EZH2: variants seen among roughly 807,000 people sequenced by gnomAD.
EZH2 encodes enhancer of zeste 2 polycomb repressive complex 2 subunit, also known as histone-lysine N-methyltransferase EZH2.
A neutral mutation model predicts 98.4 loss-of-function variants in EZH2; 18 were observed. The observed-to-expected ratio is 0.18, with a 90% CI of 0.13 to 0.27. The LOEUF is 0.27. Among genes scored for constraint, EZH2 ranks in the 10% least tolerant of loss-of-function variants. The pLI is 1.00. For synonymous variants in EZH2, 338 were observed against 312.3 expected, an observed-to-expected ratio of 1.08 and a Z score of -0.87; for missense variants, 470 against 935.1, an observed-to-expected ratio of 0.50 and a Z score of 6.49.
At chr7:148,853,444 G>A (rs1816226712) in intron 1 of EZH2, among the ~76,000 whole-genome samples, 1 of 152,012 alleles carries the variant, frequency 6.6e-6, no homozygotes, top group Non-Finnish European at 1.5e-5. Flanking sequence ...TTTAAGGAGT[G>A]TGCAACCTAG....
intron 1 of EZH2, among the ~76,000 whole-genome samples, chr7:148,868,183 T>C (rs1818823112): frequency 6.6e-6 from 1 of 152,250 alleles, no homozygotes; most frequent in Admixed American, 6.5e-5. Context: ...GTATCTTTAT[T>C]GTGATGCCCC....
intron 17 of EZH2, among the ~76,000 whole-genome samples, chr7:148,809,732 T>C (rs1263960657): frequency 6.6e-6 from 1 of 152,108 alleles, no homozygotes; most frequent in African/African-American, 2.4e-5. Flanking sequence ...TTAAAATTAG[T>C]TTTTTTCATT....
chr7:148,844,485 G>A (rs1167840740), intron 3 of EZH2, among the ~76,000 whole-genome samples: 3 of 152,138 alleles, frequency 2.0e-5, no homozygotes, highest in African/African-American at 7.2e-5. Flanking sequence ...CAAAAAAAAT[G>A]ACTGACCTTA....
intron 15 of EZH2, 130 bp from the exon 16 acceptor site, chr7:148,811,850 T>C (rs554615760): frequency 9.9e-6 from 7 of 706,462 alleles, no homozygotes; most frequent in Admixed American, 2.5e-5. Context: ...AAGGCAGTAA[T>C]TGGGCACACA....
chr7:148,821,117 A>G (rs1311188079), intron 8 of EZH2: 1 of 149,910 alleles, frequency 6.7e-6, no homozygotes, highest in Non-Finnish European at 1.5e-5. Context: ...TAAATAAAGT[A>G]GGTAGAAAAG....
chr7:148,829,668 A>G, intron 5 of EZH2, 60 bp downstream of exon 5: 1 of 1,578,710 alleles, frequency 6.3e-7, no homozygotes, highest in Non-Finnish European at 8.6e-7. Flanking sequence ...ATGCTTCATA[A>G]ACAAAAGTGT....
intron 15 of EZH2, 49 bp downstream of exon 15, chr7:148,813,910 A>T: frequency 2.6e-6 from 4 of 1,564,662 alleles, no homozygotes; most frequent in Middle Eastern, 1.7e-4. Context: ...CATTTGCATC[A>T]CTAAATAGCT....
rs765682611 is a variant in EZH2 at position 148,815,046 on chromosome 7, A to G, written c.1547-7T>C. On this transcript the variant is annotated splice_polypyrimidine_tract_variant and splice_region_variant and intron_variant, in intron 13 of 19. Transcript: ENST00000320356. The stretch of plus-strand genomic sequence containing the variant: ...ACATGGTTAGAGGAGCCGTCTGAGT[A>G]AAGATAACATCATGCAGGCCAATGA... 1 of 1,613,310 alleles carries G rather than the reference A, an allele frequency of 6.2e-7. No homozygotes were observed. Among genetic ancestry groups the G allele is most frequent in the Non-Finnish European group, 8.5e-7 (1 of 1,179,650 alleles).
At chr7:148,862,129 T>C (rs1429143037) in intron 1 of EZH2, among the ~76,000 whole-genome samples, 2 of 152,200 alleles carry the variant, frequency 1.3e-5, no homozygotes, top group Non-Finnish European at 2.9e-5. Context: ...CATACTTCAG[T>C]TAGCAGTGGT....
At chr7:148,866,649 CGT>C (rs1818573014) in intron 1 of EZH2, among the ~76,000 whole-genome samples, 1 of 142,068 alleles carries the variant, frequency 7.0e-6, no homozygotes, top group African/African-American at 2.6e-5. Flanking sequence ...TATACATATA[CGT>C]ATATACGTAT....
chr7:148,831,119 G>C (rs1231934831), intron 4 of EZH2, among the ~76,000 whole-genome samples: 2 of 152,194 alleles, frequency 1.3e-5, no homozygotes, highest in African/African-American at 2.4e-5. Context: ...CACAGGACTA[G>C]TAGCAGCCAG....
intron 16 of EZH2, among the ~76,000 whole-genome samples, chr7:148,811,277 A>G (rs1018576928): frequency 6.6e-6 from 1 of 152,132 alleles, no homozygotes; most frequent in African/African-American, 2.4e-5. Context: ...TCAGCTCCCA[A>G]GTAGCTGGGA....
chr7:148,858,302 C>A (rs1015053884), intron 1 of EZH2, among the ~76,000 whole-genome samples: 1 of 143,116 alleles, frequency 7.0e-6, no homozygotes, highest in Non-Finnish European at 1.6e-5. Flanking sequence ...AAAAAAAAAA[C>A]AGGTAGTAAT....
rs754592806 is a variant in EZH2 at position 148,816,675 on chromosome 7, C to A, written c.1505+9G>T. On this transcript the variant is annotated intron_variant, in intron 12 of 19. Transcript: ENST00000320356. ...TTGACTTCTCTAAGGAGCTTCATGA[C>A]AGACTCACCGGTGTTTCCTCTTCTT... The A allele has an allele frequency of 1.9e-6, 3 of 1,609,152 alleles. No homozygotes were observed. Among genetic ancestry groups the A allele is most frequent in the Non-Finnish European group, 1.7e-6 (2 of 1,175,670 alleles).
intron 3 of EZH2, chr7:148,836,870 C>A: frequency 2.0e-6 from 1 of 509,826 alleles, no homozygotes; most frequent in Non-Finnish European, 3.9e-6. Flanking sequence ...CCACTGGGAG[C>A]TGGAGAGGGA....
intron 17 of EZH2, among the ~76,000 whole-genome samples, 160 bp from the exon 18 acceptor site, chr7:148,809,550 A>G (rs1421470397): frequency 1.3e-5 from 2 of 152,218 alleles, no homozygotes; most frequent in African/African-American, 4.8e-5. Context: ...GACATTTGGA[A>G]GAACACACTA....
In EZH2 at chr7:148,807,477, G is replaced by A. The variant is rs2129465090; in HGVS notation, c.*169C>T. The A allele has an allele frequency of 4.9e-6, 3 of 616,878 alleles. No individual in the cohort carries two copies. The East Asian group carries it at 8.3e-5, about 17-fold the overall frequency. 38.2% of individuals were successfully genotyped at this position (616,878 alleles called of 1,614,324 possible). Reference sequence around the variant, plus strand: ...GTACAAAACACTTTGCAGCTGGTGAGAAGGCAATAAAAAGTTGATTTTTAA... The same window carrying A: ...GTACAAAACACTTTGCAGCTGGTGAAAAGGCAATAAAAAGTTGATTTTTAA... On this transcript the variant is annotated 3_prime_UTR_variant, in exon 20 of 20. Coordinates refer to ENST00000320356, the MANE Select transcript of EZH2 (RefSeq NM_004456.5).
At chr7:148,873,349 G>A (rs773988987) in intron 1 of EZH2, among the ~76,000 whole-genome samples, 22 of 151,742 alleles carry the variant, frequency 1.4e-4, no homozygotes, top group Non-Finnish European at 2.7e-4. Context: ...AAAACTAGCC[G>A]GGCGTAGTGG....
intron 9 of EZH2, chr7:148,818,930 G>C (rs1018534414): frequency 2.4e-6 from 1 of 422,280 alleles, no homozygotes; most frequent in African/African-American, 2.1e-5. Context: ...GCAGCCAACA[G>C]TTTTATACTT....
Sources: gnomAD v4.1 joint callset for allele counts (sites outside exome capture counted in the v4.1 genomes callset) on GRCh38, gnomAD v4.1.1 for gene constraint, MANE v1.5 for transcripts, NCBI Gene and HGNC (gene_info 2026-07-23, HGNC 2026-07-21) for gene names.